SAA2: variants seen among roughly 807,000 people sequenced by gnomAD.
SAA2 encodes the protein serum amyloid A2, also known as serum amyloid A-2 protein.
In SAA2, 5 loss-of-function variants were observed where a neutral mutation model predicts 9.1. The ratio of observed to expected loss-of-function variants is 0.55; its 90% CI spans 0.29 to 1.16. The LOEUF is 1.16. Among genes scored for constraint, SAA2 ranks in the 50% most tolerant of loss-of-function variants. SAA2 has a pLI of 0.09. For synonymous variants in SAA2, 49 were observed against 59.8 expected, an observed-to-expected ratio of 0.82 and a Z score of 0.83; for missense variants, 94 against 153.8, an observed-to-expected ratio of 0.61 and a Z score of 2.06.
intron 3 of SAA2, chr11:18,240,096 T>A (rs141954496): frequency 4.5e-6 from 6 of 1,324,914 alleles, no homozygotes; most frequent in Non-Finnish European, 6.2e-6. Flanking sequence ...CTATTCTTCA[T>A]AGGGGAGGAG....
chr11:18,243,946 G>C, downstream of SAA2, among the ~76,000 whole-genome samples: 1 of 152,124 alleles, frequency 6.6e-6, no homozygotes. Flanking sequence ...CACCCATAGA[G>C]GGCGCTAGAG....
downstream of SAA2, among the ~76,000 whole-genome samples, chr11:18,240,532 G>A (rs927978246): frequency 1.3e-5 from 2 of 152,020 alleles, no homozygotes; most frequent in South Asian, 2.1e-4. Flanking sequence ...AAATAGACAC[G>A]TAGACCAATG....
rs1282821864 is a variant in SAA2, at chr11:18,245,314, C to T, written c.*63G>A. On this transcript the variant is annotated 3_prime_UTR_variant, in exon 4 of 4. Transcript: ENST00000256733. ...CTTCTCTGGACATAGACCTCACTAA[C>T]TTTGTATCCCTGCCCCGAGGGCCTC... 11 of 1,604,784 alleles carry T rather than the reference C, an allele frequency of 6.9e-6. No homozygotes were observed. The highest frequency in any genetic ancestry group is 8.5e-6 in the Non-Finnish European group (10 of 1,174,812).
chr11:18,246,986 A>T (rs1367929258), intron 2 of SAA2, among the ~76,000 whole-genome samples: 1 of 152,202 alleles, frequency 6.6e-6, no homozygotes, highest in East Asian at 1.9e-4. Context: ...GGAGGTGGTC[A>T]GTGATGCGTC....
In SAA2 at chr11:18,247,201, G is replaced by A. The variant is rs1292385349; in HGVS notation, c.91+720C>T. ...TGGTCCTTGTGGGGGCTTGAGGCAC[G>A]TTAGTTCCCAGCTCTTGTCAAGAAG... On this transcript the variant is annotated intron_variant, in intron 2 of 3. Transcript: ENST00000256733. Among the ~76,000 whole-genome samples, 31 of 152,324 alleles carry A rather than the reference G, an allele frequency of 2.0e-4. No individual in the cohort carries two copies. The South Asian group carries it at 2.3e-3, about 11-fold the overall frequency.
At chr11:18,239,022 A>G (rs1857270571), downstream of SAA2, among the ~76,000 whole-genome samples, 2 of 152,190 alleles carry the variant, frequency 1.3e-5, no homozygotes, top group Admixed American at 1.3e-4. Flanking sequence ...AGAATTTTCC[A>G]TGGATTCACC....
downstream of SAA2, chr11:18,242,777 G>T (rs1201930819): frequency 1.4e-6 from 1 of 701,256 alleles, no homozygotes; most frequent in Non-Finnish European, 2.6e-6. Context: ...GCCCCGGGAG[G>T]TCGAGGTTGC....
At chr11:18,246,155 T>A (rs4757631) in intron 2 of SAA2, 107 bp from the exon 3 acceptor site, 695,863 of 1,229,928 alleles carry the variant, frequency 0.57, 188,679 homozygotes, top group Admixed American at 0.63. Flanking sequence ...ACTTCAAGCT[T>A]TCAGCCTGTG....
intron 2 of SAA2, among the ~76,000 whole-genome samples, chr11:18,246,963 C>A (rs1857574518): frequency 6.6e-6 from 1 of 152,088 alleles, no homozygotes; most frequent in Non-Finnish European, 1.5e-5. Context: ...AGATTCATAA[C>A]CATCAACCTC....
chr11:18,246,605 C>T (rs1218263128), intron 2 of SAA2, among the ~76,000 whole-genome samples: 1 of 152,196 alleles, frequency 6.6e-6, no homozygotes, highest in Non-Finnish European at 1.5e-5. Flanking sequence ...CAATGTAACT[C>T]ACTACAACTT....
chr11:18,244,252 C>T (rs12282742), downstream of SAA2, among the ~76,000 whole-genome samples: 7,020 of 152,312 alleles, frequency 0.046, 269 homozygotes, highest in Admixed American at 0.11. Flanking sequence ...ACAGTTCACT[C>T]CAGAGCACTG....
chr11:18,248,006 C>A lies in SAA2; in HGVS notation c.6G>T (p.Lys2Asn). The change falls in exon 2 of 4, where the codon AAG (lysine) becomes AAT (asparagine). Residue 2 changes from lysine to asparagine, a missense_variant. Around this residue, in one of 2 missense-constraint regions of SAA2, gnomAD observed 32 missense variants for 95.5 expected, o/e 0.34. Transcript: ENST00000256733. ...AGCAGAAAACCAGGCCCGTGAGAAG[C>A]TTCATGGTGCTGAAATGAAAGGAGA... is the stretch of plus-strand genomic sequence containing the variant. M[K>N]LLTGLVFCSL... The A allele has an allele frequency of 6.2e-7, 1 of 1,613,120 alleles. No individual in the cohort carries two copies. Among genetic ancestry groups the A allele is most frequent in the Non-Finnish European group, 8.5e-7 (1 of 1,179,650 alleles).
At chr11:18,245,676 A>C (rs1002287420) in intron 3 of SAA2, among the ~76,000 whole-genome samples, 161 bp from the exon 4 acceptor site, 2 of 152,228 alleles carry the variant, frequency 1.3e-5, no homozygotes, top group Non-Finnish European at 2.9e-5. Flanking sequence ...TGCCCCATTC[A>C]GACAGGCTGG....
At chr11:18,240,456 G>T (rs1024310658), downstream of SAA2, among the ~76,000 whole-genome samples, 1 of 152,142 alleles carries the variant, frequency 6.6e-6, no homozygotes, top group African/African-American at 2.4e-5. Flanking sequence ...ATTTTGGGGT[G>T]ACATTCCCTG....
chr11:18,242,709 C>T (rs923095043), downstream of SAA2: 40 of 686,312 alleles, frequency 5.8e-5, no homozygotes, highest in Admixed American at 1.2e-4. Flanking sequence ...AGGCAAGTGT[C>T]ATGGCGCACA....
chr11:18,238,813 C>A (rs983066054), downstream of SAA2, among the ~76,000 whole-genome samples: 3 of 151,868 alleles, frequency 2.0e-5, no homozygotes, highest in Admixed American at 2.0e-4. Flanking sequence ...CACTCCCCCC[C>A]TCCCCACTAC....
rs561477123 is a variant in SAA2, at chr11:18,247,998, G to GTCT, written c.13_14insAGA (p.Leu4_Thr5insLys). The stretch of plus-strand genomic sequence containing the variant: ...GACCAAGGAGCAGAAAACCAGGCCC[G>GTCT]TGAGAAGCTTCATGGTGCTGAAATG... On this transcript the variant is annotated inframe_insertion, in exon 2 of 4. Transcript: ENST00000256733. The GTCT allele has an allele frequency of 3.4e-5, 55 of 1,613,340 alleles. No homozygotes were observed. The East Asian group carries it at 1.2e-3, about 34-fold the overall frequency.
At chr11:18,246,965 A>G (rs1256871820) in intron 2 of SAA2, among the ~76,000 whole-genome samples, 1 of 152,118 alleles carries the variant, frequency 6.6e-6, no homozygotes. Context: ...ATTCATAACC[A>G]TCAACCTCTG....
chr11:18,245,650 G>A, intron 3 of SAA2, 135 bp from the exon 4 acceptor site: 1 of 1,391,290 alleles, frequency 7.2e-7, no homozygotes, highest in Non-Finnish European at 9.8e-7. Context: ...TGAAAACACT[G>A]ACCCTGCCTG....
Sources: gnomAD v4.1 joint callset for allele counts (sites outside exome capture counted in the v4.1 genomes callset) on GRCh38, gnomAD v4.1.1 for gene constraint, gnomAD v4.1.1 regional missense constraint, MANE v1.5 for transcripts, NCBI Gene and HGNC (gene_info 2026-07-23, HGNC 2026-07-21) for gene names.